The following EBF2 variants were observed in gnomAD, a reference collection of about 807,000 sequenced individuals.
EBF2 encodes the protein EBF transcription factor 2.
Under a neutral mutation model 72.8 loss-of-function variants are expected in EBF2, and 21 were observed. The ratio of observed to expected loss-of-function variants is 0.29; its 90% CI spans 0.20 to 0.42. EBF2 has a LOEUF of 0.42. Ranked by LOEUF, EBF2 falls within the 10% of genes least tolerant of loss-of-function variation. EBF2 has a pLI of 1.00. For synonymous variants in EBF2, 299 were observed against 274.2 expected, an observed-to-expected ratio of 1.09 and a Z score of -0.89; for missense variants, 637 against 731.2, an observed-to-expected ratio of 0.87 and a Z score of 1.49.
Position 25,843,878 on chromosome 8 carries a change from A to G in EBF2, c.*731T>C, listed in dbSNP as rs1375872302. The G allele has an allele frequency of 1.3e-5, 2 of 152,204 alleles. No homozygotes were observed. Among genetic ancestry groups the G allele is most frequent in the Non-Finnish European group, 2.9e-5 (2 of 68,044 alleles). The allele number at this position is 152,204 out of a possible 1,614,324, so 9.4% of individuals were successfully genotyped here. A position where few individuals can be genotyped will look rare whatever the true frequency, so the allele number is the denominator to read the frequency against. ...TAAGAATCTAGTAAGTAACTGCAGTAATAATCACACACCTTTAAAACTTGT... is the reference window on the plus strand; with the variant it reads ...TAAGAATCTAGTAAGTAACTGCAGTGATAATCACACACCTTTAAAACTTGT... On this transcript the variant is annotated 3_prime_UTR_variant, in exon 16 of 16. Transcript: ENST00000520164.
chr8:25,863,109 A>G (rs946561957), intron 10 of EBF2, among the ~76,000 whole-genome samples: 1 of 152,052 alleles, frequency 6.6e-6, no homozygotes, highest in Non-Finnish European at 1.5e-5. Flanking sequence ...ATAATAAACT[A>G]CTTTTATATT....
intron 6 of EBF2, among the ~76,000 whole-genome samples, chr8:25,961,368 T>C (rs566062932): frequency 5.3e-5 from 8 of 152,330 alleles, no homozygotes; most frequent in Middle Eastern, 3.4e-3. Context: ...ATGAGGTTTT[T>C]TGTTTTTTGT....
intron 10 of EBF2, among the ~76,000 whole-genome samples, chr8:25,868,674 C>T (rs1247882480): frequency 6.6e-6 from 1 of 152,132 alleles, no homozygotes; most frequent in East Asian, 1.9e-4. Flanking sequence ...TGGGTTTTCA[C>T]CATCTTGCCC....
chr8:25,875,664 C>G (rs1802508927), intron 10 of EBF2, among the ~76,000 whole-genome samples: 1 of 152,164 alleles, frequency 6.6e-6, no homozygotes. Flanking sequence ...CACCTAAGAG[C>G]AAGCATTACT....
At chr8:25,845,565 ATCTAAT>A (rs1237074033) in intron 15 of EBF2, among the ~76,000 whole-genome samples, 2 of 152,202 alleles carry the variant, frequency 1.3e-5, no homozygotes, top group Non-Finnish European at 1.5e-5. Flanking sequence ...GAATGGAGTA[ATCTAAT>A]TCTTTCTCCC....
intron 6 of EBF2, among the ~76,000 whole-genome samples, chr8:25,969,688 G>A (rs1415629014): frequency 1.3e-5 from 2 of 152,312 alleles, no homozygotes; most frequent in African/African-American, 4.8e-5. Context: ...TTTGAGGCAG[G>A]GTTGTTCAAG....
At chr8:25,994,967 G>A (rs1190772185) in intron 6 of EBF2, among the ~76,000 whole-genome samples, 1 of 152,024 alleles carries the variant, frequency 6.6e-6, no homozygotes, top group Non-Finnish European at 1.5e-5. Flanking sequence ...TAAATACCTG[G>A]AATAAAATTT....
chr8:25,848,054 A>G (rs1356200223), intron 15 of EBF2, among the ~76,000 whole-genome samples: 1 of 151,128 alleles, frequency 6.6e-6, no homozygotes, highest in African/African-American at 2.5e-5. Context: ...AAAAACTTTT[A>G]TCTTTTAGAG....
At chr8:25,852,019 C>T (rs1801987768) in intron 14 of EBF2, among the ~76,000 whole-genome samples, 1 of 152,120 alleles carries the variant, frequency 6.6e-6, no homozygotes, top group African/African-American at 2.4e-5. Flanking sequence ...CCAAAGACTT[C>T]AAAAGAAGAG....
At chr8:25,973,714 T>C (rs1804225397) in intron 6 of EBF2, among the ~76,000 whole-genome samples, 1 of 152,202 alleles carries the variant, frequency 6.6e-6, no homozygotes, top group South Asian at 2.1e-4. Flanking sequence ...TCACACTCTG[T>C]TGCCCAAGTG....
chr8:25,873,598 C>T (rs1325485818), intron 10 of EBF2, among the ~76,000 whole-genome samples: 1 of 152,084 alleles, frequency 6.6e-6, no homozygotes, highest in East Asian at 1.9e-4. Flanking sequence ...GAGGAGAGAA[C>T]CAACAGTGCA....
intron 14 of EBF2, 184 bp downstream of exon 14, chr8:25,858,135 C>A: frequency 1.3e-6 from 1 of 781,478 alleles, no homozygotes; most frequent in East Asian, 2.7e-5. Context: ...CCTTGAGTAA[C>A]CACGTGAGCC....
intron 10 of EBF2, among the ~76,000 whole-genome samples, chr8:25,873,173 T>C (rs1196851872): frequency 6.6e-6 from 1 of 152,214 alleles, no homozygotes; most frequent in Non-Finnish European, 1.5e-5. Flanking sequence ...TGTGATGGGA[T>C]AAAGCTGGTC....
rs534159500 is a variant in EBF2, at chr8:25,890,081, C to T, written c.634-212G>A. Among the ~76,000 whole-genome samples, 24 of 152,228 alleles carry T rather than the reference C, an allele frequency of 1.6e-4. 1 individual carries two copies. In the South Asian group the frequency reaches 5.0e-3, roughly 32 times the overall value. On this transcript the variant is annotated intron_variant, in intron 7 of 15. Transcript: ENST00000520164. Reference sequence around the variant, plus strand: ...CCCTTCATCCATGCATTGTCAAGAACCTTTGCTCAAAGCACACCCATGTAA... The same window carrying T: ...CCCTTCATCCATGCATTGTCAAGAATCTTTGCTCAAAGCACACCCATGTAA...
Position 25,944,579 on chromosome 8 carries a change from T to A in EBF2, c.552-36024A>T, listed in dbSNP as rs188187412. On this transcript the variant is annotated intron_variant, in intron 6 of 15. Coordinates refer to ENST00000520164, the MANE Select transcript of EBF2 (RefSeq NM_022659.4). ...CACAATTATTTATATATTGAATATATTACAATATTAATACAGTCTATAAAT... is the reference window on the plus strand; with the variant it reads ...CACAATTATTTATATATTGAATATAATACAATATTAATACAGTCTATAAAT... 2.7e-5 allele frequency among the ~76,000 whole-genome samples: 4 copies of A among 148,718 alleles called. No individual in the cohort carries two copies. In the East Asian group the frequency reaches 7.8e-4, roughly 29 times the overall value.
At chr8:26,038,563 AT>A (rs1206625459) in intron 5 of EBF2, among the ~76,000 whole-genome samples, 1 of 152,256 alleles carries the variant, frequency 6.6e-6, no homozygotes, top group Non-Finnish European at 1.5e-5. Flanking sequence ...AAACAAAGGC[AT>A]AAAAAGAAAA....
At chr8:25,954,910 T>G (rs1048080526) in intron 6 of EBF2, among the ~76,000 whole-genome samples, 10 of 152,248 alleles carry the variant, frequency 6.6e-5, no homozygotes, top group African/African-American at 2.4e-4. Context: ...GTAGGAGCTG[T>G]GCCTAATTTG....
At chr8:25,887,011 A>AGAG in intron 9 of EBF2, 130 bp from the exon 10 acceptor site, 4 of 932,878 alleles carry the variant, frequency 4.3e-6, no homozygotes, top group Non-Finnish European at 6.1e-6. Context: ...TAACTGGAGT[A>AGAG]CTCCTAGCTC....
intron 10 of EBF2, among the ~76,000 whole-genome samples, chr8:25,874,564 T>C (rs1802489537): frequency 6.6e-6 from 1 of 152,216 alleles, no homozygotes; most frequent in African/African-American, 2.4e-5. Context: ...GTCAAGCACC[T>C]ACTCTGCATG....
Sources: gnomAD v4.1 joint callset for allele counts (sites outside exome capture counted in the v4.1 genomes callset) on GRCh38, gnomAD v4.1.1 for gene constraint, MANE v1.5 for transcripts, NCBI Gene and HGNC (gene_info 2026-07-23, HGNC 2026-07-21) for gene names.